LUZP2: variants seen among roughly 807,000 people sequenced by gnomAD.
LUZP2 encodes leucine zipper protein 2.
A neutral mutation model predicts 51.6 loss-of-function variants in LUZP2; 52 were observed. The ratio of observed to expected loss-of-function variants is 1.01; its 90% CI spans 0.81 to 1.27. LUZP2 has a LOEUF of 1.27. Ranked by LOEUF, LUZP2 falls within the 50% of genes most tolerant of loss-of-function variation. The pLI, the probability that LUZP2 is intolerant of heterozygous loss-of-function variation, is 0.00. For missense variants in LUZP2, 436 were observed against 395.4 expected (o/e 1.10, Z -0.87); for synonymous variants, 154 against 137.3 (o/e 1.12, Z -0.85).
At chr11:24,874,617 T>C (rs776437851) in intron 5 of LUZP2, among the ~76,000 whole-genome samples, 1 of 152,132 alleles carries the variant, frequency 6.6e-6, no homozygotes, top group Non-Finnish European at 1.5e-5. Flanking sequence ...ACTAAGTCCT[T>C]CATCTGTGAT....
In LUZP2 at chr11:25,037,330, T is replaced by G. The variant is rs147576935; in HGVS notation, c.766-12708T>G. On this transcript the variant is annotated intron_variant, in intron 9 of 11. Transcript: ENST00000336930. ...GGTAGCTCTTATTCTACCCTTTGAT[T>G]TTGAGCTTGTGAGTGTTGTTACACG... 2.6e-5 allele frequency among the ~76,000 whole-genome samples: 4 copies of G among 152,312 alleles called. No homozygotes were observed. In the East Asian group the frequency reaches 7.7e-4, roughly 29 times the overall value.
intron 5 of LUZP2, among the ~76,000 whole-genome samples, chr11:24,783,655 T>C (rs1849157632): frequency 6.6e-6 from 1 of 151,976 alleles, no homozygotes; most frequent in Non-Finnish European, 1.5e-5. Context: ...GATTTGTTCT[T>C]GTAGCAACTG....
At chr11:24,590,243 T>G (rs2133840267) in intron 1 of LUZP2, among the ~76,000 whole-genome samples, 1 of 152,280 alleles carries the variant, frequency 6.6e-6, no homozygotes, top group South Asian at 2.1e-4. Context: ...AAAATATAAA[T>G]AATGCCTATC....
At chr11:24,669,006 AG>A (rs1391528374) in intron 1 of LUZP2, among the ~76,000 whole-genome samples, 1 of 152,174 alleles carries the variant, frequency 6.6e-6, no homozygotes, top group Non-Finnish European at 1.5e-5. Flanking sequence ...TCAACCAGAA[AG>A]TTTGGGTTTA....
chr11:25,076,047 C>T (rs1359003209), intron 10 of LUZP2, among the ~76,000 whole-genome samples: 2 of 151,956 alleles, frequency 1.3e-5, no homozygotes, highest in Admixed American at 6.6e-5. Flanking sequence ...GGATCTCACT[C>T]TGTAGCCTAG....
chr11:24,871,681 T>A (rs1852078967), intron 5 of LUZP2, among the ~76,000 whole-genome samples: 1 of 152,096 alleles, frequency 6.6e-6, no homozygotes, highest in Admixed American at 6.6e-5. Context: ...TTGTTTGTGA[T>A]GTTATTTCTA....
chr11:24,885,014 A>G (rs1350097634), intron 5 of LUZP2, among the ~76,000 whole-genome samples: 1 of 152,128 alleles, frequency 6.6e-6, no homozygotes. Flanking sequence ...TATTAATAAC[A>G]GAAGAAGCAG....
At position 24,551,321 on chromosome 11, in the gene LUZP2, G is replaced by T. The variant is rs1851717956; in HGVS notation, c.62+54016G>T. 2.0e-5 allele frequency among the ~76,000 whole-genome samples: 3 copies of T among 151,954 alleles called. No homozygotes were observed. In the South Asian group the frequency reaches 6.2e-4, roughly 31 times the overall value. On this transcript the variant is annotated intron_variant, in intron 1 of 11. Coordinates refer to ENST00000336930, the MANE Select transcript of LUZP2 (RefSeq NM_001009909.4). ...GAACCTTGAACACATTATGCTAAGT[G>T]AAAGAAGCCAGTAATAGAAGACAAT... is the stretch of plus-strand genomic sequence containing the variant.
At chr11:24,599,479 A>G (rs1451213886) in intron 1 of LUZP2, among the ~76,000 whole-genome samples, 3 of 152,130 alleles carry the variant, frequency 2.0e-5, no homozygotes, top group African/African-American at 4.8e-5. Flanking sequence ...GCAATTGACA[A>G]CCCTTGTATG....
chr11:24,699,944 T>C (rs1857373640), intron 1 of LUZP2, among the ~76,000 whole-genome samples: 1 of 151,448 alleles, frequency 6.6e-6, no homozygotes, highest in Non-Finnish European at 1.5e-5. Context: ...GGGTAGGACC[T>C]GTCAATGAGG....
intron 10 of LUZP2, among the ~76,000 whole-genome samples, chr11:25,060,751 C>A (rs937422556): frequency 6.6e-6 from 1 of 152,100 alleles, no homozygotes; most frequent in Non-Finnish European, 1.5e-5. Context: ...AGCCATATAA[C>A]AACATATTAG....
At chr11:24,975,624 C>A (rs998714128) in intron 7 of LUZP2, among the ~76,000 whole-genome samples, 5 of 152,074 alleles carry the variant, frequency 3.3e-5, no homozygotes, top group African/African-American at 1.2e-4. Flanking sequence ...CAACTCTTCA[C>A]ATTCCTAATT....
chr11:24,976,817 T>C, intron 8 of LUZP2, 152 bp downstream of exon 8: 2 of 488,822 alleles, frequency 4.1e-6, no homozygotes, highest in Non-Finnish European at 6.8e-6. Flanking sequence ...TCAGGAAGGT[T>C]TGATATCTTC....
At chr11:24,667,184 C>CTT (rs199740839) in intron 1 of LUZP2, among the ~76,000 whole-genome samples, 26,753 of 131,808 alleles carry the variant, frequency 0.2, 3,012 homozygotes, top group East Asian at 0.3. Flanking sequence ...TTCTTTTTTT[C>CTT]TTTTTTTTTT....
At chr11:24,985,158 A>G (rs1265633840) in intron 9 of LUZP2, among the ~76,000 whole-genome samples, 1 of 151,696 alleles carries the variant, frequency 6.6e-6, no homozygotes, top group Non-Finnish European at 1.5e-5. Context: ...TCTTCTATGT[A>G]CCAGTACTCT....
intron 7 of LUZP2, among the ~76,000 whole-genome samples, chr11:24,918,778 C>T (rs1853890693): frequency 6.8e-6 from 1 of 147,652 alleles, no homozygotes; most frequent in Non-Finnish European, 1.5e-5. Context: ...CTGTCTATTT[C>T]CCTTTGTATG....
intron 1 of LUZP2, among the ~76,000 whole-genome samples, chr11:24,514,142 GC>G (rs1375190991): frequency 6.6e-6 from 1 of 152,180 alleles, no homozygotes; most frequent in Non-Finnish European, 1.5e-5. Flanking sequence ...TCAGCAAGGG[GC>G]TGTGGAAGAG....
At chr11:24,703,078 C>G (rs1454463894) in intron 1 of LUZP2, among the ~76,000 whole-genome samples, 3 of 152,140 alleles carry the variant, frequency 2.0e-5, no homozygotes, top group African/African-American at 7.2e-5. Context: ...AAGAATGATA[C>G]CTTGCTATAA....
In LUZP2 at chr11:24,963,565, G is replaced by A. The variant is rs535458533; in HGVS notation, c.523-13026G>A. Among the ~76,000 whole-genome samples, 820 of 151,950 alleles carry A rather than the reference G, an allele frequency of 5.4e-3. 3 individuals are homozygous for A. Among genetic ancestry groups the A allele is most frequent in the Non-Finnish European group, 9.1e-3 (620 of 67,954 alleles). On this transcript the variant is annotated intron_variant, in intron 7 of 11. Coordinates refer to ENST00000336930, the MANE Select transcript of LUZP2 (RefSeq NM_001009909.4). ...AGACTCCGTGGGCATAGGACCCTCC[G>A]AGCCATGTGCGGGATATAATCTCCT...
Sources: allele counts gnomAD v4.1 joint callset (sites outside exome capture counted in the v4.1 genomes callset), GRCh38; gene constraint gnomAD v4.1.1; transcripts MANE v1.5; gene names NCBI Gene and HGNC (gene_info 2026-07-23, HGNC 2026-07-21).